KAZN: variants seen among roughly 807,000 people sequenced by gnomAD.
The protein encoded by KAZN is kazrin.
In KAZN, 40 loss-of-function variants were observed where a neutral mutation model predicts 87.4. The observed-to-expected ratio is 0.46, with a 90% CI of 0.36 to 0.60. The LOEUF (loss-of-function observed/expected upper bound fraction) is 0.60. Ranked by LOEUF, KAZN falls within the 20% of genes least tolerant of loss-of-function variation. The pLI is 0.00. For missense variants in KAZN, 898 were observed against 1,073.9 expected (o/e 0.84, Z 2.29); for synonymous variants, 466 against 458.3 (o/e 1.02, Z -0.22).
Position 14,773,724 on chromosome 1 carries a change from T to C in KAZN, c.226+174501T>C, listed in dbSNP as rs1362691773. Among the ~76,000 whole-genome samples, 1 of 152,190 alleles carries C rather than the reference T, an allele frequency of 6.6e-6. No homozygotes were observed. Among genetic ancestry groups the C allele is most frequent in the African/African-American group, 2.4e-5 (1 of 41,462 alleles). On this transcript the variant is annotated intron_variant, in intron 1 of 14. Coordinates refer to ENST00000376030, the MANE Select transcript of KAZN (RefSeq NM_201628.3). This position sits in a 1 kb window ranked among gnomAD's most constrained non-coding sequence, Gnocchi z 5.9. ...TTGGCGTCACTTAGCCTGGCAGTGC[T>C]GCTAATGAGGCCTCTGTGGCCTGGG...
At chr1:14,679,764 A>G (rs1428415793) in intron 1 of KAZN, among the ~76,000 whole-genome samples, 2 of 152,206 alleles carry the variant, frequency 1.3e-5, no homozygotes, top group Non-Finnish European at 2.9e-5. Context: ...AAACATGCCC[A>G]AGGTCACTTG....
chr1:14,249,083 G>T (rs1256488143), intron 2 of KAZN, among the ~76,000 whole-genome samples: 2 of 152,164 alleles, frequency 1.3e-5, no homozygotes, highest in Non-Finnish European at 2.9e-5. Flanking sequence ...TTTACATCCT[G>T]CCTGCTAAAG....
intron 2 of KAZN, among the ~76,000 whole-genome samples, chr1:14,333,704 G>C (rs563198625): frequency 1.3e-5 from 2 of 152,316 alleles, no homozygotes; most frequent in African/African-American, 4.8e-5. Context: ...ACATGGATTA[G>C]GGATGCTGAC....
intron 4 of KAZN, among the ~76,000 whole-genome samples, chr1:15,045,571 G>T (rs1045131306): frequency 6.6e-6 from 1 of 152,220 alleles, no homozygotes; most frequent in African/African-American, 2.4e-5. Context: ...CATCTTTTGT[G>T]TGTTCACTGT....
At chr1:14,332,308 A>G (rs1451104934) in intron 2 of KAZN, among the ~76,000 whole-genome samples, 1 of 152,180 alleles carries the variant, frequency 6.6e-6, no homozygotes, top group African/African-American at 2.4e-5. Flanking sequence ...TCTGGTATAC[A>G]TGAGCCAAAG....
chr1:14,640,861 GA>G (rs1183519236), intron 1 of KAZN, among the ~76,000 whole-genome samples: 1 of 152,132 alleles, frequency 6.6e-6, no homozygotes, highest in Non-Finnish European at 1.5e-5. Flanking sequence ...TCTCTGTTTG[GA>G]AAGGCTTGCT....
At chr1:13,898,438 C>T (rs1038720498) in intron 1 of KAZN, among the ~76,000 whole-genome samples, 23 of 152,174 alleles carry the variant, frequency 1.5e-4, no homozygotes, top group African/African-American at 5.1e-4. Context: ...GCGTGTGTTA[C>T]GGAAGTTGAT....
intron 1 of KAZN, among the ~76,000 whole-genome samples, chr1:14,948,887 T>C (rs1284158551): frequency 1.3e-5 from 2 of 152,162 alleles, no homozygotes; most frequent in Non-Finnish European, 2.9e-5. Context: ...CCAGTCATGG[T>C]GGCTCATGCC....
chr1:13,973,485 C>A (rs1488358944), intron 1 of KAZN, among the ~76,000 whole-genome samples: 1 of 152,186 alleles, frequency 6.6e-6, no homozygotes, highest in Non-Finnish European at 1.5e-5. Flanking sequence ...CACCAGGTTG[C>A]CATGATCTCT....
intron 2 of KAZN, among the ~76,000 whole-genome samples, chr1:14,374,153 T>C (rs771701003): frequency 3.3e-5 from 5 of 152,188 alleles, no homozygotes; most frequent in Non-Finnish European, 7.3e-5. Context: ...CAGACACTTA[T>C]TAGTAAGCAG....
At chr1:14,629,370 A>C (rs1679391304) in intron 1 of KAZN, among the ~76,000 whole-genome samples, 1 of 152,204 alleles carries the variant, frequency 6.6e-6, no homozygotes, top group African/African-American at 2.4e-5. Context: ...CTGTCTCAGT[A>C]GGCTGTTCCC....
chr1:14,023,290 C>T (rs1640928407), intron 1 of KAZN, among the ~76,000 whole-genome samples: 1 of 152,160 alleles, frequency 6.6e-6, no homozygotes, highest in Non-Finnish European at 1.5e-5. Flanking sequence ...CCACTGCGCT[C>T]CAGCCTGGGT....
At chr1:14,043,179 G>A (rs1641913499) in intron 1 of KAZN, among the ~76,000 whole-genome samples, 2 of 152,100 alleles carry the variant, frequency 1.3e-5, no homozygotes, top group Admixed American at 1.3e-4. Context: ...CTGTCCTTTT[G>A]TATCTAGCTT....
intron 2 of KAZN, among the ~76,000 whole-genome samples, chr1:14,527,695 G>A (rs991027865): frequency 1.3e-5 from 2 of 152,168 alleles, no homozygotes; most frequent in South Asian, 2.1e-4. Context: ...AAGCCAGCAT[G>A]TGCAGAGATG....
intron 1 of KAZN, among the ~76,000 whole-genome samples, chr1:13,989,618 A>G (rs956710256): frequency 5.3e-5 from 8 of 152,156 alleles, no homozygotes; most frequent in African/African-American, 1.9e-4. Flanking sequence ...TTTTTACTCT[A>G]TGTAGTATTC....
At chr1:14,710,299 C>T (rs1288338215) in intron 1 of KAZN, among the ~76,000 whole-genome samples, 3 of 152,166 alleles carry the variant, frequency 2.0e-5, no homozygotes, top group African/African-American at 4.8e-5. Context: ...AAAGCTGCCC[C>T]GTGCTGGTCT....
At chr1:15,103,710 TG>T (rs1641181536) in intron 12 of KAZN, among the ~76,000 whole-genome samples, 1 of 152,122 alleles carries the variant, frequency 6.6e-6, no homozygotes, top group South Asian at 2.1e-4. Flanking sequence ...AGGAGCCCCA[TG>T]TCATGATGCT....
chr1:14,914,122 C>A (rs1657540533), intron 1 of KAZN, among the ~76,000 whole-genome samples: 1 of 152,228 alleles, frequency 6.6e-6, no homozygotes. Flanking sequence ...TGGAAACAGA[C>A]TGTTGGGCCT....
chr1:15,094,089 C>T lies in KAZN; in HGVS notation c.1223-91C>T. The T allele has an allele frequency of 5.1e-6, 6 of 1,171,104 alleles. No homozygotes were observed. The highest frequency in any genetic ancestry group is 7.3e-6 in the Non-Finnish European group (6 of 818,068). The allele number at this position is 1,171,104 out of a possible 1,614,324, so 72.5% of individuals were successfully genotyped here. On this transcript the variant is annotated intron_variant, in intron 8 of 14. Transcript: ENST00000376030. This position sits in a 1 kb window ranked among gnomAD's most constrained non-coding sequence, Gnocchi z 4.5. ...GAATACATGGAGGGGAGGATGTCCC[C>T]ACCACCCTCTGCCTCCCGGGGGTAT...
Sources: gnomAD v4.1 joint callset for allele counts (sites outside exome capture counted in the v4.1 genomes callset) on GRCh38, gnomAD v4.1.1 for gene constraint, Gnocchi (gnomAD v3.1) non-coding constraint, MANE v1.5 for transcripts, NCBI Gene and HGNC (gene_info 2026-07-23, HGNC 2026-07-21) for gene names.